MAGI2: variants seen among roughly 807,000 people sequenced by gnomAD.
MAGI2 encodes membrane associated guanylate kinase, WW and PDZ domain containing 2, also known as membrane-associated guanylate kinase, WW and PDZ domain-containing protein 2.
Under a neutral mutation model 133.3 loss-of-function variants are expected in MAGI2, and 35 were observed. The ratio of observed to expected loss-of-function variants is 0.26; its 90% confidence interval spans 0.20 to 0.35. The LOEUF (loss-of-function observed/expected upper bound fraction) is 0.35, where lower values mean the gene tolerates loss of function less well. Among genes scored for constraint, MAGI2 ranks in the 10% least tolerant of loss-of-function variants. The pLI is 1.00. For missense variants in MAGI2, 1,636 were observed against 1,863.4 expected, an observed-to-expected ratio of 0.88 and a Z score of 2.25; for synonymous variants, 729 against 710.6, an observed-to-expected ratio of 1.03 and a Z score of -0.41.
At chr7:79,127,857 G>A (rs1353438029) in intron 1 of MAGI2, among the ~76,000 whole-genome samples, 2 of 152,182 alleles carry the variant, frequency 1.3e-5, no homozygotes, top group East Asian at 3.9e-4. Flanking sequence ...TGGTGTTTTA[G>A]ACACGAAGTC....
At chr7:78,953,218 A>C (rs544602369) in intron 2 of MAGI2, among the ~76,000 whole-genome samples, 4 of 152,110 alleles carry the variant, frequency 2.6e-5, no homozygotes, top group Non-Finnish European at 5.9e-5. Context: ...TCAAAAAACA[A>C]TTTTCTTTCT....
intron 1 of MAGI2, among the ~76,000 whole-genome samples, chr7:79,298,558 C>T (rs1459591492): frequency 1.3e-5 from 2 of 151,830 alleles, no homozygotes; most frequent in Non-Finnish European, 2.9e-5. Context: ...ATTAATATAG[C>T]GTTCATTAAC....
At chr7:78,352,359 G>A (rs1055738784) in intron 7 of MAGI2, among the ~76,000 whole-genome samples, 1 of 152,130 alleles carries the variant, frequency 6.6e-6, no homozygotes, top group African/African-American at 2.4e-5. Context: ...TTTTAAATAC[G>A]TTATTATAAA....
intron 1 of MAGI2, among the ~76,000 whole-genome samples, chr7:79,133,930 G>A (rs926401439): frequency 2.0e-5 from 3 of 152,124 alleles, no homozygotes; most frequent in South Asian, 2.1e-4. Flanking sequence ...TTCAAAATAC[G>A]TTGGAAACCT....
chr7:78,506,549 G>A (rs911982053), intron 4 of MAGI2, among the ~76,000 whole-genome samples: 1 of 152,146 alleles, frequency 6.6e-6, no homozygotes, highest in Non-Finnish European at 1.5e-5. Context: ...TGGTAAAAGA[G>A]AAGAGGAAAG....
chr7:78,587,108 G>T (rs75328707), intron 3 of MAGI2, among the ~76,000 whole-genome samples: 1 of 152,126 alleles, frequency 6.6e-6, no homozygotes, highest in Non-Finnish European at 1.5e-5. Context: ...AAGTGAAATT[G>T]CTGGATTGTT....
chr7:78,209,509 C>T (rs928165145), intron 10 of MAGI2, among the ~76,000 whole-genome samples: 5 of 151,816 alleles, frequency 3.3e-5, no homozygotes, highest in African/African-American at 1.2e-4. Flanking sequence ...GATCTGCCCA[C>T]CATGGCTTCC....
intron 1 of MAGI2, among the ~76,000 whole-genome samples, chr7:79,038,530 C>A (rs1414825402): frequency 2.6e-5 from 4 of 152,206 alleles, no homozygotes; most frequent in South Asian, 2.1e-4. Flanking sequence ...GTTATACTTT[C>A]ATTTTTTAAA....
At chr7:79,017,246 C>A (rs1276189265) in intron 1 of MAGI2, among the ~76,000 whole-genome samples, 1 of 152,224 alleles carries the variant, frequency 6.6e-6, no homozygotes, top group Non-Finnish European at 1.5e-5. Context: ...AGGTTCCTAA[C>A]CTCCAGGGGC....
intron 16 of MAGI2, among the ~76,000 whole-genome samples, chr7:78,159,338 C>T (rs1824728255): frequency 6.6e-6 from 1 of 152,132 alleles, no homozygotes; most frequent in Non-Finnish European, 1.5e-5. Flanking sequence ...CTTGCTTTCT[C>T]CCCCACCCCC....
chr7:78,807,327 A>C (rs1788662084), intron 2 of MAGI2, among the ~76,000 whole-genome samples: 1 of 152,212 alleles, frequency 6.6e-6, no homozygotes, highest in Non-Finnish European at 1.5e-5. Context: ...TTGTGCTAAT[A>C]TAAATAATAT....
intron 1 of MAGI2, among the ~76,000 whole-genome samples, chr7:79,416,936 A>G (rs1585902408): frequency 6.6e-6 from 1 of 151,528 alleles, no homozygotes; most frequent in Non-Finnish European, 1.5e-5. Flanking sequence ...GTTTCACCGT[A>G]TTGGCTAGGC....
intron 1 of MAGI2, among the ~76,000 whole-genome samples, chr7:79,281,866 A>G (rs1835669966): frequency 6.6e-6 from 1 of 152,204 alleles, no homozygotes; most frequent in Admixed American, 6.5e-5. Context: ...AAATCTTGAA[A>G]GAATATTTAA....
At chr7:78,046,505 C>T (rs1055121082) in intron 21 of MAGI2, among the ~76,000 whole-genome samples, 2 of 151,992 alleles carry the variant, frequency 1.3e-5, no homozygotes, top group Non-Finnish European at 2.9e-5. Flanking sequence ...TGTTGAATTA[C>T]CTTCAACATG....
At chr7:78,517,584 T>C (rs1796146883) in intron 4 of MAGI2, among the ~76,000 whole-genome samples, 1 of 152,228 alleles carries the variant, frequency 6.6e-6, no homozygotes, top group Non-Finnish European at 1.5e-5. Context: ...GCCTGGTACA[T>C]TGTTTGTATC....
At chr7:78,728,892 G>GA (rs956120744) in intron 2 of MAGI2, among the ~76,000 whole-genome samples, 11 of 152,070 alleles carry the variant, frequency 7.2e-5, no homozygotes, top group African/African-American at 2.2e-4. Flanking sequence ...TTTTATATCT[G>GA]AAAAAATGAT....
intron 1 of MAGI2, among the ~76,000 whole-genome samples, chr7:79,304,055 T>C (rs956695051): frequency 1.3e-5 from 2 of 152,102 alleles, no homozygotes; most frequent in African/African-American, 4.8e-5. Context: ...GAATCTCCAT[T>C]CGTGCCCTTT....
intron 1 of MAGI2, among the ~76,000 whole-genome samples, chr7:79,368,770 C>T (rs1004434617): frequency 4.1e-5 from 6 of 145,438 alleles, no homozygotes; most frequent in Admixed American, 7.1e-5. Context: ...ATGGCGTGAA[C>T]CCGGGAGGCG....
intron 1 of MAGI2, among the ~76,000 whole-genome samples, chr7:79,276,806 A>C (rs917848532): frequency 6.6e-6 from 1 of 152,096 alleles, no homozygotes; most frequent in Non-Finnish European, 1.5e-5. Context: ...TTTACAAAAA[A>C]ATTCAAAAAT....
Sources: allele counts gnomAD v4.1 joint callset (sites outside exome capture counted in the v4.1 genomes callset), GRCh38; gene constraint gnomAD v4.1.1; transcripts MANE v1.5; gene names NCBI Gene and HGNC (gene_info 2026-07-23, HGNC 2026-07-21).